Variants in STK38 observed in about 807,000 individuals in gnomAD.
STK38 encodes the protein serine/threonine-protein kinase 38.
In STK38, 26 loss-of-function variants were observed where a neutral mutation model predicts 59.0. That is an observed-to-expected ratio of 0.44 (90% CI 0.32 to 0.61). The LOEUF (loss-of-function observed/expected upper bound fraction) is 0.61. STK38 is among the 20% of genes least tolerant of loss of function. The probability of loss-of-function intolerance (pLI) is 0.04; values close to 1 mark genes in which losing one functional copy is unlikely to be tolerated. For synonymous variants in STK38, 175 were observed against 176.6 expected, an observed-to-expected ratio of 0.99 and a Z score of 0.07; for missense variants, 433 against 566.0, an observed-to-expected ratio of 0.76 and a Z score of 2.38.
At chr6:36,508,999 T>C (rs1308750239) in intron 7 of STK38, among the ~76,000 whole-genome samples, 1 of 152,178 alleles carries the variant, frequency 6.6e-6, no homozygotes, top group African/African-American at 2.4e-5. Flanking sequence ...GTCACAGCAC[T>C]GGCTCAGGAA....
intron 7 of STK38, among the ~76,000 whole-genome samples, chr6:36,509,647 C>T (rs1276940146): frequency 1.3e-5 from 2 of 152,092 alleles, no homozygotes; most frequent in African/African-American, 2.4e-5. Flanking sequence ...GTTAATTACC[C>T]ACAATGACTC....
chr6:36,539,567 T>A (rs185047092), intron 2 of STK38, among the ~76,000 whole-genome samples: 12 of 152,248 alleles, frequency 7.9e-5, no homozygotes, highest in Admixed American at 2.6e-4. Flanking sequence ...AGGCAAGTAG[T>A]ATTATCCCCA....
chr6:36,498,641 G>A (rs942032550), intron 10 of STK38, among the ~76,000 whole-genome samples, 155 bp from the exon 11 acceptor site: 1 of 145,088 alleles, frequency 6.9e-6, no homozygotes, highest in Non-Finnish European at 1.5e-5. Flanking sequence ...AGGCTGGGGT[G>A]CAGTGGCACA....
chr6:36,545,508 T>TA (rs989067307), intron 1 of STK38, among the ~76,000 whole-genome samples: 40 of 152,118 alleles, frequency 2.6e-4, no homozygotes, highest in African/African-American at 8.7e-4. Context: ...AATATAATGA[T>TA]AAAGACTGCA....
chr6:36,507,006 G>A (rs1172962946), intron 8 of STK38, among the ~76,000 whole-genome samples: 1 of 152,128 alleles, frequency 6.6e-6, no homozygotes, highest in Non-Finnish European at 1.5e-5. Context: ...AATTTTCCAA[G>A]TAGTAGTAAC....
At chr6:36,502,552 TTG>T (rs1317593577) in intron 9 of STK38, among the ~76,000 whole-genome samples, 2 of 152,324 alleles carry the variant, frequency 1.3e-5, no homozygotes, top group East Asian at 3.9e-4. Flanking sequence ...GTTATTTTTA[TTG>T]TGATTTTTTT....
At chr6:36,520,663 A>G (rs1282849531) in intron 5 of STK38, among the ~76,000 whole-genome samples, 1 of 152,176 alleles carries the variant, frequency 6.6e-6, no homozygotes, top group Non-Finnish European at 1.5e-5. Context: ...CCGGCCTACT[A>G]TGAATTTTGA....
intron 2 of STK38, among the ~76,000 whole-genome samples, chr6:36,534,104 A>G (rs115588625): frequency 0.019 from 2,882 of 152,308 alleles, 40 homozygotes; most frequent in Non-Finnish European, 0.027. Context: ...GAGATAATAC[A>G]ATGTCATCAA....
intron 7 of STK38, among the ~76,000 whole-genome samples, chr6:36,511,088 G>C (rs138068839): frequency 6.6e-6 from 1 of 152,200 alleles, no homozygotes; most frequent in South Asian, 2.1e-4. Flanking sequence ...ATCAGAAGTG[G>C]TGTGGCCAAA....
At chr6:36,504,918 A>AAAAAG (rs1776925992) in intron 9 of STK38, among the ~76,000 whole-genome samples, 1 of 145,610 alleles carries the variant, frequency 6.9e-6, no homozygotes. Context: ...AAAAAAAAAA[A>AAAAAG]AAAAGAAAGA....
intron 2 of STK38, among the ~76,000 whole-genome samples, chr6:36,538,412 T>C (rs1190698272): frequency 6.6e-6 from 1 of 152,208 alleles, no homozygotes; most frequent in African/African-American, 2.4e-5. Context: ...ATGTTCTGTT[T>C]TGATAAAGGT....
In STK38 at chr6:36,517,797, T is replaced by C. The variant is rs767586742; in HGVS notation, c.434A>G (p.Asp145Gly). 1.2e-6 allele frequency: 2 copies of C among 1,614,070 alleles called. No homozygotes were observed. The highest frequency in any genetic ancestry group is 1.1e-5 in the South Asian group (1 of 91,088). Reference protein sequence around the residue: ...RAERDILVEADSLWVVKMFYS... With the variant: ...RAERDILVEAGSLWVVKMFYS... ...GAACATTTTCACAACCCACAAACTG[T>C]CTGCCTCCACTAGAATGTCACGCTC... Residue 145 changes from aspartate (D) to glycine (G), a missense_variant, in exon 6 of 14, where the codon GAC becomes GGC. Asp to Gly is a moderately conservative substitution (Grantham distance 94, BLOSUM62 -1). This residue lies in a region of STK38 where 293 missense variants were observed against 388.2 expected (regional missense o/e 0.75). Transcript: ENST00000229812.
chr6:36,515,259 C>T, intron 7 of STK38, 79 bp downstream of exon 7: 1 of 1,527,012 alleles, frequency 6.5e-7, no homozygotes, highest in Non-Finnish European at 8.8e-7. Context: ...ACTGGGATGA[C>T]CACAGGGGTG....
chr6:36,504,874 A>C (rs1776921579), intron 9 of STK38, among the ~76,000 whole-genome samples: 1 of 143,384 alleles, frequency 7.0e-6, no homozygotes, highest in Non-Finnish European at 1.5e-5. Flanking sequence ...TCAGCACAGT[A>C]GCCAAAGGTT....
Position 36,540,177 on chromosome 6 carries a change from C to G in STK38, c.26G>C (p.Cys9Ser). The change falls in exon 2 of 14, where the codon TGC becomes TCC. Residue 9 changes from cysteine to serine, a missense_variant. By Grantham distance (112) the Cys-to-Ser change is moderately radical. Transcript: ENST00000229812. ...CTTTGTGTGGTTACTCATGGATGAG[C>G]AAGGTGTTGAGCCTGTCATTGCCAT... MAMTGSTP[C>S]SSMSNHTKER... The G allele has an allele frequency of 6.2e-7, 1 of 1,613,988 alleles. No individual in the cohort carries two copies. Among genetic ancestry groups the G allele is most frequent in the Non-Finnish European group, 8.5e-7 (1 of 1,179,960 alleles).
intron 5 of STK38, among the ~76,000 whole-genome samples, chr6:36,519,512 G>A (rs1777332686): frequency 6.6e-6 from 1 of 152,168 alleles, no homozygotes; most frequent in Non-Finnish European, 1.5e-5. Flanking sequence ...CACCCTGGAG[G>A]ACACAATGGT....
At chr6:36,496,108 C>G (rs562418940) in intron 13 of STK38, among the ~76,000 whole-genome samples, 194 bp from the exon 14 acceptor site, 16 of 146,540 alleles carry the variant, frequency 1.1e-4, no homozygotes, top group African/African-American at 3.8e-4. Flanking sequence ...GCAGTGGCGT[C>G]ATCTCAGCTC....
At chr6:36,497,449 C>G (rs1776730764) in intron 12 of STK38, among the ~76,000 whole-genome samples, 1 of 152,220 alleles carries the variant, frequency 6.6e-6, no homozygotes. Flanking sequence ...TACCTTCCAC[C>G]CTGTGGGCAG....
intron 3 of STK38, among the ~76,000 whole-genome samples, chr6:36,525,345 C>T (rs1264015047): frequency 1.3e-5 from 2 of 152,170 alleles, no homozygotes; most frequent in Non-Finnish European, 2.9e-5. Flanking sequence ...GATTTCATCC[C>T]TGCTTTCTCT....
Sources: gnomAD v4.1 joint callset for allele counts (sites outside exome capture counted in the v4.1 genomes callset) on GRCh38, gnomAD v4.1.1 for gene constraint, gnomAD v4.1.1 regional missense constraint, MANE v1.5 for transcripts, NCBI Gene and HGNC (gene_info 2026-07-23, HGNC 2026-07-21) for gene names.